The following KMT2C variants were observed in gnomAD, a reference collection of about 807,000 sequenced individuals.
KMT2C encodes the protein lysine methyltransferase 2C.
Under a neutral mutation model 507.9 loss-of-function variants are expected in KMT2C, and 88 were observed. That is an observed-to-expected ratio of 0.17 (90% CI 0.15 to 0.21). The LOEUF (loss-of-function observed/expected upper bound fraction) is 0.21. KMT2C is among the 10% of genes least tolerant of loss of function. KMT2C has a pLI of 1.00. For synonymous variants in KMT2C, 2,049 were observed against 2,080.8 expected, an observed-to-expected ratio of 0.98 and a Z score of 0.42; for missense variants, 4,954 against 5,957.8, an observed-to-expected ratio of 0.83 and a Z score of 5.55.
intron 10 of KMT2C, 28 bp from the exon 11 acceptor site, chr7:152,252,118 A>C: frequency 6.6e-7 from 1 of 1,521,392 alleles, no homozygotes; most frequent in Non-Finnish European, 8.9e-7. Context: ...CTTAAATAAA[A>C]ATTTCTAACA....
Position 152,152,849 on chromosome 7 carries a change from T to A in KMT2C, c.12382A>T (p.Ser4128Cys), listed in dbSNP as rs763785203. The A allele has an allele frequency of 3.7e-6, 6 of 1,614,090 alleles. No individual in the cohort carries two copies. The highest frequency in any genetic ancestry group is 3.3e-5 in the Admixed American group (2 of 60,008). Residue 4128 changes from serine (S) to cysteine (C), a missense_variant, in exon 49 of 59, where the codon AGT (serine) becomes TGT (cysteine). This residue lies in a region of KMT2C where 417 missense variants were observed against 461.1 expected (regional missense o/e 0.90). Coordinates refer to ENST00000262189, the MANE Select transcript of KMT2C (RefSeq NM_170606.3). The stretch of plus-strand genomic sequence containing the variant: ...AAACCCGGGTTGATTCTGTGGCTAC[T>A]GACCAAACCCATGGATGGGACATCT... Reference protein sequence around the residue: ...APDVPSMGLVSSHRINPGLEY... With the variant: ...APDVPSMGLVCSHRINPGLEY...
At chr7:152,210,358 A>C (rs1354907144) in intron 23 of KMT2C, among the ~76,000 whole-genome samples, 1 of 152,216 alleles carries the variant, frequency 6.6e-6, no homozygotes, top group Non-Finnish European at 1.5e-5. Context: ...CTTTTTTAAA[A>C]AATAAAAATA....
At position 152,154,089 on chromosome 7, in the gene KMT2C, G is replaced by A. The variant is rs2091862908; in HGVS notation, c.12197C>T (p.Ser4066Leu). 1.2e-6 allele frequency: 2 copies of A among 1,613,880 alleles called. No individual in the cohort carries two copies. The highest frequency in any genetic ancestry group is 1.1e-5 in the South Asian group (1 of 91,090). ...KTEPGTLYFASPFGPSPNGPR... is the reference protein window; with the variant it reads ...KTEPGTLYFALPFGPSPNGPR... ...ACCATTTGGGGAAGGACCAAAAGGT[G>A]ACGCAAAATATAAAGTGCCTGGCTC... Residue 4066 changes from serine (S) to leucine (L), a missense_variant, in exon 48 of 59, where the codon TCA becomes TTA. Ser to Leu is a moderately radical substitution (Grantham distance 145, BLOSUM62 -2). Coordinates refer to ENST00000262189, the MANE Select transcript of KMT2C (RefSeq NM_170606.3).
chr7:152,248,349 T>A lies in KMT2C; in HGVS notation c.2085A>T (p.Pro695=), dbSNP rs1385129865. ...PKLVMESVTL[P]LETLVSPHEE... ...CATGTGGGGACACTAAGGTTTCTAG[T>A]GGAAGAGTGACAGATTCCATGACTA... is the stretch of plus-strand genomic sequence containing the variant. Residue 695 remains proline, a synonymous_variant, in exon 14 of 59, where the codon CCA becomes CCT. Coordinates refer to ENST00000262189, the MANE Select transcript of KMT2C (RefSeq NM_170606.3). 6.2e-7 allele frequency: 1 copy of A among 1,613,966 alleles called. No individual in the cohort carries two copies. The highest frequency in any genetic ancestry group is 8.5e-7 in the Non-Finnish European group (1 of 1,179,900).
intron 31 of KMT2C, among the ~76,000 whole-genome samples, chr7:152,192,498 G>A (rs1280340329): frequency 2.0e-5 from 3 of 151,496 alleles, no homozygotes; most frequent in Non-Finnish European, 2.9e-5. Flanking sequence ...CCGAGATCAC[G>A]CCACTGCACT....
At chr7:152,183,324 C>T (rs973398664) in intron 34 of KMT2C, among the ~76,000 whole-genome samples, 168 bp from the exon 35 acceptor site, 1 of 152,162 alleles carries the variant, frequency 6.6e-6, no homozygotes, top group Non-Finnish European at 1.5e-5. Context: ...CTCATCTTCT[C>T]TCTTTACAGT....
At position 152,163,320 on chromosome 7, in the gene KMT2C, T is replaced by C. The variant is rs566602708; in HGVS notation, c.10257A>G (p.Val3419=). The change falls in exon 43 of 59, where the codon GTA becomes GTG. Residue 3419 remains valine, a synonymous_variant. Coordinates refer to ENST00000262189, the MANE Select transcript of KMT2C (RefSeq NM_170606.3). The part of the protein sequence containing the change: ...ERQRIQLMQE[V]DRQRALQQRM... The stretch of plus-strand genomic sequence containing the variant: ...TCTGCTGCAAAGCTCTTTGTCTATC[T>C]ACCTCCTGCATGAGTTGGATCCGTT... 7 of 1,614,244 alleles carry C rather than the reference T, an allele frequency of 4.3e-6. No individual in the cohort carries two copies. In the South Asian group the frequency reaches 4.4e-5, roughly 10 times the overall value.
rs570359604 is a variant in KMT2C, at chr7:152,343,450, G to GGAA, written c.251-12712_251-12711insTTC. On this transcript the variant is annotated intron_variant, in intron 2 of 58. Transcript: ENST00000262189. ...TGAAAAGCAAAGAGAAAAAGACTGG[G>GGAA]AAAAAAAAAAAAAAAAAGAACAGAA... Among the ~76,000 whole-genome samples, 352 of 72,450 alleles carry GGAA rather than the reference G, an allele frequency of 4.9e-3. 1 individual carries two copies. The highest frequency in any genetic ancestry group is 0.016 in the African/African-American group (339 of 21,710). 47.5% of individuals were successfully genotyped at this position (72,450 alleles called of 152,430 possible). A position where few individuals can be genotyped will look rare whatever the true frequency, so the allele number is the denominator to read the frequency against.
chr7:152,225,901 G>A (rs7810089), intron 18 of KMT2C, among the ~76,000 whole-genome samples: 6,522 of 152,182 alleles, frequency 0.043, 488 homozygotes, highest in African/African-American at 0.15. Context: ...CTCCATGAAA[G>A]ACAAAAGAAA....
chr7:152,328,776 G>A (rs754272017), intron 3 of KMT2C, among the ~76,000 whole-genome samples: 9 of 152,124 alleles, frequency 5.9e-5, no homozygotes, highest in Non-Finnish European at 1.2e-4. Context: ...AAGTTGTTTG[G>A]GTTATCGAGT....
At chr7:152,223,413 C>G (rs923460709) in intron 20 of KMT2C, among the ~76,000 whole-genome samples, 2 of 151,918 alleles carry the variant, frequency 1.3e-5, no homozygotes, top group Non-Finnish European at 2.9e-5. Flanking sequence ...TTCAGAAACC[C>G]TTCATAAGAA....
rs552707818 is a variant in KMT2C, at chr7:152,201,696, T to TAAA, written c.4092+1235_4092+1237dup. Among the ~76,000 whole-genome samples the TAAA allele has an allele frequency of 3.2e-4, 45 of 142,482 alleles. No homozygotes were observed. In the South Asian group the frequency reaches 9.7e-3, roughly 31 times the overall value. The allele number at this position is 142,482 out of a possible 152,430, so 93.5% of individuals were successfully genotyped here. On this transcript the variant is annotated intron_variant, in intron 26 of 58. Coordinates refer to ENST00000262189, the MANE Select transcript of KMT2C (RefSeq NM_170606.3). The stretch of plus-strand genomic sequence containing the variant: ...TTTCCTGACCAATTAAATGATCGTT[T>TAAA]AAAAAAAAACAAAGGTGCAAACCTA...
At position 152,177,878 on chromosome 7, in the gene KMT2C, A is replaced by G. The variant is rs911902256; in HGVS notation, c.7575T>C (p.Pro2525=). The part of the protein sequence containing the change: ...RRSVSVDMPR[P]LNNSQMNNPV... ...GATTATTCATTTGTGAGTTATTTAAAGGCCTAGGCATATCTACAGATACTG... is the reference window on the plus strand; with the variant it reads ...GATTATTCATTTGTGAGTTATTTAAGGGCCTAGGCATATCTACAGATACTG... Residue 2525 remains proline (P), a synonymous_variant, in exon 38 of 59, where the codon CCT becomes CCC. Transcript: ENST00000262189. 1 of 1,613,742 alleles carries G rather than the reference A, an allele frequency of 6.2e-7. No individual in the cohort carries two copies. Among genetic ancestry groups the G allele is most frequent in the African/African-American group, 1.3e-5 (1 of 74,850 alleles).
rs1228325269 is a variant in KMT2C, at chr7:152,364,910, G to A, written c.162-6235C>T. On this transcript the variant is annotated intron_variant, in intron 1 of 58. Transcript: ENST00000262189. Reference sequence around the variant, plus strand: ...TATTATTATAAGCCCACAGATCCAAGCACAACAAAATCTGAAACAGACAGA... The same window carrying A: ...TATTATTATAAGCCCACAGATCCAAACACAACAAAATCTGAAACAGACAGA... Among the ~76,000 whole-genome samples, 3 of 144,208 alleles carry A rather than the reference G, an allele frequency of 2.1e-5. No individual in the cohort carries two copies. In the East Asian group the frequency reaches 6.2e-4, roughly 30 times the overall value. 94.6% of individuals were successfully genotyped at this position (144,208 alleles called of 152,430 possible).
chr7:152,367,629 G>C, intron 1 of KMT2C: 2 of 1,407,462 alleles, frequency 1.4e-6, no homozygotes, highest in Non-Finnish European at 2.0e-6. Context: ...CTATACAGGT[G>C]GACAATCCAA....
At chr7:152,420,223 A>G (rs2097769453) in intron 1 of KMT2C, among the ~76,000 whole-genome samples, 1 of 152,260 alleles carries the variant, frequency 6.6e-6, no homozygotes, top group African/African-American at 2.4e-5. Flanking sequence ...ACCATGCTTC[A>G]GAAATGTACT....
At chr7:152,364,521 A>C (rs2097221667) in intron 1 of KMT2C, among the ~76,000 whole-genome samples, 1 of 151,610 alleles carries the variant, frequency 6.6e-6, no homozygotes, top group Admixed American at 6.6e-5. Flanking sequence ...AGGCAGGAGA[A>C]TGGTGTGAAC....
intron 43 of KMT2C, among the ~76,000 whole-genome samples, chr7:152,161,271 T>C (rs1224947860): frequency 6.6e-6 from 1 of 152,216 alleles, no homozygotes; most frequent in Non-Finnish European, 1.5e-5. Context: ...TGCAAAAAGA[T>C]GAGCTTCATT....
intron 1 of KMT2C, among the ~76,000 whole-genome samples, chr7:152,427,400 C>CA (rs1189910507): frequency 6.6e-6 from 1 of 152,162 alleles, no homozygotes; most frequent in Non-Finnish European, 1.5e-5. Context: ...GTGCTTTTCA[C>CA]AAAATAAAGT....
Sources: allele counts gnomAD v4.1 joint callset (sites outside exome capture counted in the v4.1 genomes callset), GRCh38; gene constraint gnomAD v4.1.1; regional missense constraint gnomAD v4.1.1; transcripts MANE v1.5; gene names NCBI Gene and HGNC (gene_info 2026-07-23, HGNC 2026-07-21).